The following SLC11A2 variants were observed in gnomAD, a reference collection of about 807,000 sequenced individuals.
SLC11A2 encodes the protein natural resistance-associated macrophage protein 2.
Under a neutral mutation model 68.0 loss-of-function variants are expected in SLC11A2, and 38 were observed. The observed-to-expected ratio is 0.56, with a 90% CI of 0.43 to 0.73. The LOEUF (loss-of-function observed/expected upper bound fraction) is 0.73, where lower values mean the gene tolerates loss of function less well. Among genes scored for constraint, SLC11A2 ranks in the 30% least tolerant of loss-of-function variants. SLC11A2 has a pLI of 0.00. For synonymous variants in SLC11A2, 242 were observed against 250.6 expected, an observed-to-expected ratio of 0.97 and a Z score of 0.32; for missense variants, 517 against 690.5, an observed-to-expected ratio of 0.75 and a Z score of 2.82.
downstream of SLC11A2, chr12:50,981,019 T>G (rs1336779513): frequency 2.0e-5 from 3 of 152,216 alleles, no homozygotes; most frequent in African/African-American, 7.2e-5. Flanking sequence ...TGCCTTCATA[T>G]CTGTTTAATG....
chr12:51,007,992 G>A (rs1008816006), intron 3 of SLC11A2, among the ~76,000 whole-genome samples: 54 of 152,218 alleles, frequency 3.5e-4, no homozygotes, highest in African/African-American at 1.2e-3. Context: ...TTGAGGCCAG[G>A]AGTTCAAGAC....
the SLC11A2 span, among the ~76,000 whole-genome samples, chr12:50,953,740 T>C: frequency 6.6e-6 from 1 of 152,202 alleles, no homozygotes; most frequent in African/African-American, 2.4e-5. Flanking sequence ...TTATGATCTG[T>C]GTTTTTACTC....
At position 51,026,005 on chromosome 12, in the gene SLC11A2, G is replaced by C. The variant is rs544778330; in HGVS notation, c.-39+305C>G. 3.2e-5 allele frequency: 33 copies of C among 1,024,372 alleles called. 2 individuals carry two copies. In the South Asian group the frequency reaches 9.8e-4, roughly 30 times the overall value. 63.5% of individuals were successfully genotyped at this position (1,024,372 alleles called of 1,614,324 possible). A position where few individuals can be genotyped will look rare whatever the true frequency, so the allele number is the denominator to read the frequency against. The stretch of plus-strand genomic sequence containing the variant: ...CGACACAGGCCGGGCGCGCCATCCG[G>C]TGCAGCTGGGAGCTGGGCCATGTGT... On this transcript the variant is annotated intron_variant, in intron 1 of 15. Coordinates refer to ENST00000262052, the MANE Select transcript of SLC11A2 (RefSeq NM_000617.3).
downstream of SLC11A2, among the ~76,000 whole-genome samples, chr12:50,979,083 G>T (rs571222370): frequency 2.6e-5 from 4 of 152,202 alleles, no homozygotes; most frequent in African/African-American, 7.2e-5. Context: ...ATGCACTCAG[G>T]TTATTCTTAA....
At chr12:50,981,139 G>T (rs904137510), downstream of SLC11A2, 1 of 152,206 alleles carries the variant, frequency 6.6e-6, no homozygotes, top group South Asian at 2.1e-4. Context: ...TTTAAGAAAT[G>T]ATGTGTTAAT....
Position 50,992,803 on chromosome 12 carries a change from C to G in SLC11A2, c.1197+7G>C. 2 of 1,613,366 alleles carry G rather than the reference C, an allele frequency of 1.2e-6. No homozygotes were observed. Among genetic ancestry groups the G allele is most frequent in the African/African-American group, 2.7e-5 (2 of 74,840 alleles). On this transcript the variant is annotated splice_region_variant and intron_variant, in intron 12 of 15. Transcript: ENST00000262052. ...GTTATCTCCCTCTATCCTATACCAG[C>G]ACGTACCTCCATGACAAACTGGCCA...
the SLC11A2 span, chr12:50,960,864 G>T: frequency 1.1e-6 from 1 of 923,708 alleles, no homozygotes. Context: ...TTTTTTTTTA[G>T]AGATGGGGTC....
intron 1 of SLC11A2, among the ~76,000 whole-genome samples, chr12:51,015,536 A>G (rs1027296154): frequency 2.6e-5 from 4 of 151,794 alleles, no homozygotes; most frequent in African/African-American, 9.7e-5. Context: ...AGAAAGGGCC[A>G]GGCCAGTTAT....
chr12:51,025,396 G>T (rs1344926496), intron 1 of SLC11A2, among the ~76,000 whole-genome samples: 1 of 152,180 alleles, frequency 6.6e-6, no homozygotes, highest in African/African-American at 2.4e-5. Context: ...AACAAAAGAA[G>T]AAAGAGGCAA....
the SLC11A2 span, among the ~76,000 whole-genome samples, chr12:50,952,466 G>T: frequency 6.6e-6 from 1 of 152,134 alleles, no homozygotes; most frequent in Non-Finnish European, 1.5e-5. Flanking sequence ...GTCGGAGGGA[G>T]GCGGTGAGCA....
chr12:51,026,509 C>T (rs1944400879), upstream of SLC11A2: 1 of 488,226 alleles, frequency 2.0e-6, no homozygotes, highest in Non-Finnish European at 3.4e-6. Context: ...TCCGCCCACG[C>T]GGAGTCTGGA....
intron 6 of SLC11A2, 171 bp from the exon 7 acceptor site, chr12:50,999,586 C>T: frequency 3.1e-6 from 2 of 652,474 alleles, no homozygotes; most frequent in Non-Finnish European, 5.5e-6. Context: ...GTAACAGCAT[C>T]AACTTAATTA....
Position 50,987,883 on chromosome 12 carries a change from A to C in SLC11A2, c.*442T>G, listed in dbSNP as rs759580400. On this transcript the variant is annotated 3_prime_UTR_variant, in exon 16 of 16. Coordinates refer to ENST00000262052, the MANE Select transcript of SLC11A2 (RefSeq NM_000617.3). ...TAACTGAAAAGGTAGGTATAAGGAA[A>C]ATTTCTCAGCCTTTAAAAATCCATT... 1.5e-5 allele frequency: 19 copies of C among 1,270,160 alleles called. No individual in the cohort carries two copies. Among genetic ancestry groups the C allele is most frequent in the Non-Finnish European group, 1.7e-5 (17 of 979,556 alleles). 78.7% of individuals were successfully genotyped at this position (1,270,160 alleles called of 1,614,324 possible). A position where few individuals can be genotyped will look rare whatever the true frequency, so the allele number is the denominator to read the frequency against.
At chr12:50,990,221 T>C (rs1276513432) in intron 15 of SLC11A2, among the ~76,000 whole-genome samples, 1 of 152,206 alleles carries the variant, frequency 6.6e-6, no homozygotes, top group African/African-American at 2.4e-5. Context: ...TATTTAATTA[T>C]TTCCTTGGAC....
At chr12:51,004,048 G>T (rs2136274994) in intron 5 of SLC11A2, among the ~76,000 whole-genome samples, 1 of 152,220 alleles carries the variant, frequency 6.6e-6, no homozygotes, top group African/African-American at 2.4e-5. Context: ...ATATATTATG[G>T]GGCATATGGG....
At chr12:50,979,744 C>T (rs1307040624), downstream of SLC11A2, 1 of 406,982 alleles carries the variant, frequency 2.5e-6, no homozygotes, top group Admixed American at 2.9e-5. Context: ...AAAATCCCTG[C>T]CTCTTTAAGG....
At position 50,986,683 on chromosome 12, in the gene SLC11A2, G is replaced by A. The variant is rs578240585; in HGVS notation, c.*1642C>T. On this transcript the variant is annotated 3_prime_UTR_variant, in exon 16 of 16. Coordinates refer to ENST00000262052, the MANE Select transcript of SLC11A2 (RefSeq NM_000617.3). The stretch of plus-strand genomic sequence containing the variant: ...CTTTATGACCAGTTTGGAGAATTAC[G>A]ATGGTAAGGGGAAGAGGCAGATATG... 2.7e-5 allele frequency: 35 copies of A among 1,286,682 alleles called. No individual in the cohort carries two copies. In the East Asian group the frequency reaches 1.7e-3, roughly 63 times the overall value. 79.7% of individuals were successfully genotyped at this position (1,286,682 alleles called of 1,614,324 possible).
chr12:50,993,634 C>G (rs529314469), intron 11 of SLC11A2, among the ~76,000 whole-genome samples: 1 of 151,744 alleles, frequency 6.6e-6, no homozygotes, highest in Non-Finnish European at 1.5e-5. Context: ...TCGAGACCAG[C>G]CTGACCAACA....
chr12:51,010,449 C>T (rs959929972), intron 2 of SLC11A2, among the ~76,000 whole-genome samples: 2 of 147,172 alleles, frequency 1.4e-5, no homozygotes, highest in African/African-American at 2.5e-5. Flanking sequence ...ACCCATGAGG[C>T]GGAGGTTGCA....
Sources: allele counts gnomAD v4.1 joint callset (sites outside exome capture counted in the v4.1 genomes callset), GRCh38; gene constraint gnomAD v4.1.1; transcripts MANE v1.5; gene names NCBI Gene and HGNC (gene_info 2026-07-23, HGNC 2026-07-21).